KAT5: variants seen among roughly 807,000 people sequenced by gnomAD.
KAT5 encodes lysine acetyltransferase 5, also known as histone acetyltransferase KAT5.
In KAT5, 31 loss-of-function variants were observed where a neutral mutation model predicts 68.1. The observed-to-expected ratio is 0.46, with a 90% CI of 0.34 to 0.61. KAT5 has a LOEUF of 0.61. KAT5 is among the 20% of genes least tolerant of loss of function. The pLI is 0.01. For missense variants in KAT5, 451 were observed against 725.5 expected (o/e 0.62, Z 4.35); for synonymous variants, 365 against 292.6 (o/e 1.25, Z -2.52).
intron 10 of KAT5, 168 bp downstream of exon 10, chr11:65,717,150 ACTGC>A: frequency 1.6e-6 from 1 of 625,730 alleles, no homozygotes; most frequent in Non-Finnish European, 2.9e-6. Flanking sequence ...GTTCAGGCTG[ACTGC>A]CCTGCTTATC....
At position 65,719,113 on chromosome 11, in the gene KAT5, C is replaced by G; in HGVS notation, c.1573C>G (p.Leu525Val). The stretch of plus-strand genomic sequence containing the variant: ...CCATGAGCGGGCCATGCTCAAGCGG[C>G]TCCTGCGGATCGACTCCAAGTGTCT... Reference protein sequence around the residue: ...DGHERAMLKRLLRIDSKCLHF... With the variant: ...DGHERAMLKRVLRIDSKCLHF... The change falls in exon 13 of 13, where the codon CTC becomes GTC. Residue 525 changes from leucine (L) to valine (V), a missense_variant. This residue lies in a region of KAT5 where 210 missense variants were observed against 423.7 expected (regional missense o/e 0.50). Coordinates refer to ENST00000341318, the MANE Select transcript of KAT5 (RefSeq NM_182710.3). 6.2e-7 allele frequency: 1 copy of G among 1,614,236 alleles called. No homozygotes were observed. The highest frequency in any genetic ancestry group is 8.5e-7 in the Non-Finnish European group (1 of 1,180,042).
chr11:65,712,862 C>T (rs1258910083), intron 2 of KAT5, 28 bp downstream of exon 2: 2 of 1,613,986 alleles, frequency 1.2e-6, no homozygotes, highest in African/African-American at 1.3e-5. Flanking sequence ...GGTGGGGCAT[C>T]AGGGTAGGGT....
At chr11:65,713,136 G>C in intron 3 of KAT5, 78 bp downstream of exon 3, 1 of 1,557,306 alleles carries the variant, frequency 6.4e-7, no homozygotes, top group Non-Finnish European at 8.8e-7. Context: ...GCTCCTGGAT[G>C]GGCAGGAGGC....
At chr11:65,717,960 C>G (rs1380411569) in intron 10 of KAT5, 1 of 153,696 alleles carries the variant, frequency 6.5e-6, no homozygotes, top group African/African-American at 2.4e-5. Context: ...GTCTGAGGAT[C>G]TCACTGGGGA....
chr11:65,716,877 C>T lies in KAT5; in HGVS notation c.1171-12C>T. The T allele has an allele frequency of 1.2e-6, 2 of 1,613,324 alleles. No individual in the cohort carries two copies. Among genetic ancestry groups the T allele is most frequent in the Non-Finnish European group, 1.7e-6 (2 of 1,179,228 alleles). On this transcript the variant is annotated splice_polypyrimidine_tract_variant and intron_variant, in intron 9 of 12. Transcript: ENST00000341318. ...ATCCCTTCCCTGACACTCACCTGTC[C>T]CCCTTCTCCAGGAGAAAGAATCAAC...
rs1400070423 is a variant in KAT5 at position 65,718,620 on chromosome 11, CAG to C, written c.1296_1297del (p.Gly433AspfsTer3). The stretch of plus-strand genomic sequence containing the variant: ...GAACTCTCCAAAGTGGAAGGGAAAA[CAG>C]GGACCCCTGAGAAGCCCCTCTCAGA... On this transcript the variant is annotated frameshift_variant, in exon 11 of 13. Transcript: ENST00000341318. LOFTEE classifies it high-confidence loss of function. 1.2e-6 allele frequency: 2 copies of C among 1,614,102 alleles called. No homozygotes were observed. Among genetic ancestry groups the C allele is most frequent in the African/African-American group, 1.3e-5 (1 of 74,932 alleles).
intron 10 of KAT5, 114 bp from the exon 11 acceptor site, chr11:65,718,476 A>C: frequency 9.4e-7 from 1 of 1,064,866 alleles, no homozygotes; most frequent in Non-Finnish European, 1.4e-6. Context: ...AGAACTGCCA[A>C]GTGGCAGGGC....
chr11:65,719,312 A>G lies in KAT5; in HGVS notation c.*131A>G, dbSNP rs1277188344. 2 of 1,141,652 alleles carry G rather than the reference A, an allele frequency of 1.8e-6. No individual in the cohort carries two copies. The highest frequency in any genetic ancestry group is 1.6e-5 in the African/African-American group (1 of 64,454). The allele number at this position is 1,141,652 out of a possible 1,614,324, so 70.7% of individuals were successfully genotyped here. On this transcript the variant is annotated 3_prime_UTR_variant, in exon 13 of 13. Transcript: ENST00000341318. ...GAGGACAGCTCAAAAAGGAGAGGAC[A>G]GGCCTGGCAGGGGCCCACTGGTGCC...
At chr11:65,712,618 A>G (rs986458897) in intron 1 of KAT5, 148 bp from the exon 2 acceptor site, 1 of 1,223,754 alleles carries the variant, frequency 8.2e-7, no homozygotes, top group Admixed American at 2.1e-5. Flanking sequence ...GGGCCTGGAA[A>G]GGGGTGGCAC....
chr11:65,718,775 G>T lies in KAT5; in HGVS notation c.1424+26G>T, dbSNP rs748609095. ...GTGAGCCTGGCGCTGTCTACCTGGG[G>T]GTACATGGCATGGCTTGTCTGTTCC... On this transcript the variant is annotated intron_variant, in intron 11 of 12. Coordinates refer to ENST00000341318, the MANE Select transcript of KAT5 (RefSeq NM_182710.3). 5.7e-5 allele frequency: 92 copies of T among 1,613,944 alleles called. No individual in the cohort carries two copies. The highest frequency in any genetic ancestry group is 1.6e-4 in the Middle Eastern group (1 of 6,084).
chr11:65,712,620 G>C (rs1418138832), intron 1 of KAT5, 146 bp from the exon 2 acceptor site: 2 of 1,208,080 alleles, frequency 1.7e-6, no homozygotes, highest in Middle Eastern at 1.9e-4. Context: ...GCCTGGAAAG[G>C]GGTGGCACTT....
chr11:65,713,171 C>T, intron 3 of KAT5, 113 bp downstream of exon 3: 2 of 1,441,262 alleles, frequency 1.4e-6, no homozygotes, highest in Non-Finnish European at 1.9e-6. Context: ...CTGACTTCAT[C>T]TTGCAAAGGA....
Position 65,712,395 on chromosome 11 carries a change from G to C in KAT5, c.128G>C (p.Gly43Ala), listed in dbSNP as rs1438880602. 6.3e-6 allele frequency: 10 copies of C among 1,585,454 alleles called. No homozygotes were observed. The Admixed American group carries it at 2.0e-4, about 32-fold the overall frequency. Residue 43 changes from glycine to alanine, a missense_variant, in exon 1 of 13, where the codon GGC becomes GCC. Coordinates refer to ENST00000341318, the MANE Select transcript of KAT5 (RefSeq NM_182710.3). The part of the protein sequence containing the change: ...ALSPQGEIIE[G>A]CRLPVLRRNQ... ...TCTCCCCAGGGGGAGATAATCGAGG[G>C]CTGCCGCCTACCCGTGCTGCGGCGG...
intron 6 of KAT5, 26 bp from the exon 7 acceptor site, chr11:65,714,469 T>TG: frequency 6.2e-7 from 1 of 1,610,012 alleles, no homozygotes; most frequent in Non-Finnish European, 8.5e-7. Context: ...TCTTACAACC[T>TG]GGTATTTTCC....
Position 65,714,058 on chromosome 11 carries a change from T to G in KAT5, c.690+210T>G, listed in dbSNP as rs4645916. 8 of 586,704 alleles carry G rather than the reference T, an allele frequency of 1.4e-5. No individual in the cohort carries two copies. In the East Asian group the frequency reaches 2.0e-4, roughly 15 times the overall value. 36.3% of individuals were successfully genotyped at this position (586,704 alleles called of 1,614,324 possible). A position where few individuals can be genotyped will look rare whatever the true frequency, so the allele number is the denominator to read the frequency against. Reference sequence around the variant, plus strand: ...ACCTGTAATCCCAGCACTTTGGGAGTCCAACCAAGGCTGGTGGATCACCTG... The same window carrying G: ...ACCTGTAATCCCAGCACTTTGGGAGGCCAACCAAGGCTGGTGGATCACCTG... On this transcript the variant is annotated intron_variant, in intron 6 of 12. Coordinates refer to ENST00000341318, the MANE Select transcript of KAT5 (RefSeq NM_182710.3).
chr11:65,712,152 G>T (rs1021675986), upstream of KAT5: 5 of 1,042,500 alleles, frequency 4.8e-6, no homozygotes, highest in African/African-American at 6.8e-5. Flanking sequence ...CTGGGTCGCG[G>T]TGTCTCTCAA....
chr11:65,714,933 G>A (rs1857145834), intron 8 of KAT5, 23 bp downstream of exon 8: 1 of 1,595,348 alleles, frequency 6.3e-7, no homozygotes, highest in African/African-American at 1.3e-5. Context: ...GAGGCAGTGA[G>A]GCGCTGGGGT....
At chr11:65,715,039 C>A in intron 8 of KAT5, 129 bp downstream of exon 8, 9 of 775,186 alleles carry the variant, frequency 1.2e-5, no homozygotes, top group Non-Finnish European at 1.3e-5. Flanking sequence ...TGCTGTCTGG[C>A]AGGTGCTGGT....
At chr11:65,714,772 C>G in intron 7 of KAT5, 29 bp downstream of exon 7, 1 of 1,614,134 alleles carries the variant, frequency 6.2e-7, no homozygotes, top group Non-Finnish European at 8.5e-7. Context: ...GGCTGCCTTC[C>G]CAGCACCCTC....
Sources: gnomAD v4.1 joint callset for allele counts on GRCh38, gnomAD v4.1.1 for gene constraint, gnomAD v4.1.1 regional missense constraint, MANE v1.5 for transcripts, NCBI Gene and HGNC (gene_info 2026-07-23, HGNC 2026-07-21) for gene names.